The following DNAH9 variants were observed in gnomAD, a reference collection of about 807,000 sequenced individuals.
DNAH9 encodes dynein axonemal heavy chain 9.
Under a neutral mutation model 471.6 loss-of-function variants are expected in DNAH9, and 345 were observed. That is an observed-to-expected ratio of 0.73 (90% CI 0.67 to 0.80). DNAH9 has a LOEUF of 0.80. DNAH9 is among the 30% of genes least tolerant of loss of function. The pLI is 0.00. For missense variants in DNAH9, 5,407 were observed against 5,609.2 expected, an observed-to-expected ratio of 0.96 and a Z score of 1.15; for synonymous variants, 2,093 against 2,123.6, an observed-to-expected ratio of 0.99 and a Z score of 0.40.
At chr17:11,914,818 G>C (rs118158808) in intron 61 of DNAH9, among the ~76,000 whole-genome samples, 3,466 of 152,134 alleles carry the variant, frequency 0.023, 60 homozygotes, top group Admixed American at 0.036. Flanking sequence ...CCTAGTTGTG[G>C]GTCCTTTTCA....
chr17:11,631,607 C>T (rs1419022957), intron 7 of DNAH9, among the ~76,000 whole-genome samples: 1 of 150,146 alleles, frequency 6.7e-6, no homozygotes, highest in African/African-American at 2.5e-5. Flanking sequence ...TGCCACTGCA[C>T]TCCAGCCTGG....
At position 11,937,065 on chromosome 17, in the gene DNAH9, T is replaced by C. The variant is rs1974735401; in HGVS notation, c.12490-287T>C. Among the ~76,000 whole-genome samples the C allele has an allele frequency of 6.6e-6, 1 of 151,704 alleles. No individual in the cohort carries two copies. The stretch of plus-strand genomic sequence containing the variant: ...AGGAAAAAGAGTCATCAGGGAGGAG[T>C]GGGAGGCATTGGGTGTGGAGATAGA... On this transcript the variant is annotated intron_variant, in intron 65 of 68. Coordinates refer to ENST00000262442, the MANE Select transcript of DNAH9 (RefSeq NM_001372.4). This position sits in a 1 kb window ranked among gnomAD's most constrained non-coding sequence, Gnocchi z 4.1.
intron 67 of DNAH9, among the ~76,000 whole-genome samples, chr17:11,947,250 T>C (rs1975161474): frequency 6.6e-6 from 1 of 152,274 alleles, no homozygotes; most frequent in Non-Finnish European, 1.5e-5. Context: ...CTAACCAAAC[T>C]CACAAAAGCC....
intron 67 of DNAH9, among the ~76,000 whole-genome samples, chr17:11,945,912 A>C (rs1975101109): frequency 6.6e-6 from 1 of 151,534 alleles, no homozygotes; most frequent in Admixed American, 6.6e-5. Context: ...CAAAAAAAAA[A>C]ATTAGCCGGG....
intron 15 of DNAH9, among the ~76,000 whole-genome samples, chr17:11,668,799 G>A (rs2073925692): frequency 6.6e-6 from 1 of 152,042 alleles, no homozygotes; most frequent in African/African-American, 2.4e-5. Flanking sequence ...ATGAAGACAA[G>A]GAAAGTAAAT....
chr17:11,799,566 G>A (rs1969378222), intron 43 of DNAH9, among the ~76,000 whole-genome samples: 2 of 151,410 alleles, frequency 1.3e-5, no homozygotes, highest in African/African-American at 4.9e-5. Context: ...AATCTCACTC[G>A]GGCTAGACCG....
intron 57 of DNAH9, among the ~76,000 whole-genome samples, chr17:11,891,557 G>C (rs541789204): frequency 6.6e-6 from 1 of 152,090 alleles, no homozygotes; most frequent in Non-Finnish European, 1.5e-5. Flanking sequence ...TAGAAACAGC[G>C]TTTCACCATG....
At chr17:11,675,888 CTT>C (rs112213682) in intron 17 of DNAH9, among the ~76,000 whole-genome samples, 1 of 148,528 alleles carries the variant, frequency 6.7e-6, no homozygotes, top group Non-Finnish European at 1.5e-5. Flanking sequence ...CTTCAATTTT[CTT>C]TTTTTTTTCC....
At chr17:11,738,835 TA>T in intron 28 of DNAH9, 44 bp from the exon 29 acceptor site, 2 of 1,590,914 alleles carry the variant, frequency 1.3e-6, no homozygotes, top group South Asian at 1.1e-5. Flanking sequence ...ATCCCTCCAC[TA>T]AAAGGCAATT....
intron 10 of DNAH9, 22 bp from the exon 11 acceptor site, chr17:11,644,609 T>C (rs1285855216): frequency 1.3e-6 from 2 of 1,574,860 alleles, no homozygotes; most frequent in Non-Finnish European, 1.7e-6. Context: ...TCTGTGTCAC[T>C]TTTTCTCTTT....
At position 11,690,422 on chromosome 17, in the gene DNAH9, G is replaced by A. The variant is rs769156025; in HGVS notation, c.4600G>A (p.Ala1534Thr). Residue 1534 changes from alanine (A) to threonine (T), a missense_variant, in exon 20 of 69, where the codon GCA becomes ACA. Physicochemically the swap from Ala to Thr is moderately conservative, Grantham distance 58. Coordinates refer to ENST00000262442, the MANE Select transcript of DNAH9 (RefSeq NM_001372.4). ...ATTCACTGGATCTGAAGATATTCGG[G>A]CACAGCTACCCCAGGTACCTGCTAA... ...SIFTGSEDIR[A>T]QLPQDSKRFE... is the part of the protein sequence containing the mutation. 5.6e-6 allele frequency: 9 copies of A among 1,613,452 alleles called. No individual in the cohort carries two copies. The East Asian group carries it at 1.6e-4, about 28-fold the overall frequency.
At chr17:11,619,423 T>G in intron 5 of DNAH9, 125 bp from the exon 6 acceptor site, 1 of 684,188 alleles carries the variant, frequency 1.5e-6, no homozygotes, top group Non-Finnish European at 2.6e-6. Flanking sequence ...GAAAGCGAGG[T>G]CAGATGTTTC....
chr17:11,933,626 C>T (rs1190788846), intron 64 of DNAH9, among the ~76,000 whole-genome samples: 5 of 152,058 alleles, frequency 3.3e-5, no homozygotes, highest in Non-Finnish European at 4.4e-5. Flanking sequence ...GTGATCCACC[C>T]GCCTCGGCCT....
In DNAH9 at chr17:11,908,267, G is replaced by A. The variant is rs1339523925; in HGVS notation, c.11749+2458G>A. On this transcript the variant is annotated intron_variant, in intron 61 of 68. Transcript: ENST00000262442. ...CAATTCAAACCTGTGTTGTTCAAGGGTCGACTGTACTCTCTTTTTCTATAT... is the reference window on the plus strand; with the variant it reads ...CAATTCAAACCTGTGTTGTTCAAGGATCGACTGTACTCTCTTTTTCTATAT... Among the ~76,000 whole-genome samples, 4 of 152,280 alleles carry A rather than the reference G, an allele frequency of 2.6e-5. No individual in the cohort carries two copies. The East Asian group carries it at 7.7e-4, about 29-fold the overall frequency.
At chr17:11,750,683 C>G (rs577422300) in intron 32 of DNAH9, among the ~76,000 whole-genome samples, 1 of 152,138 alleles carries the variant, frequency 6.6e-6, no homozygotes, top group African/African-American at 2.4e-5. Flanking sequence ...ATTCCTGTAT[C>G]AAAAAGGAAA....
chr17:11,811,932 G>A (rs1222137357), intron 45 of DNAH9, among the ~76,000 whole-genome samples: 16 of 132,422 alleles, frequency 1.2e-4, no homozygotes, highest in Non-Finnish European at 2.3e-4. Flanking sequence ...ACAGGTTGCA[G>A]TGAGCTGAGA....
In DNAH9 at chr17:11,769,240, T is replaced by G; in HGVS notation, c.7463T>G (p.Val2488Gly). The change falls in exon 38 of 69, where the codon GTG becomes GGG. Residue 2488 changes from valine to glycine, a missense_variant. Val to Gly is a moderately radical substitution (Grantham distance 109). Coordinates refer to ENST00000262442, the MANE Select transcript of DNAH9 (RefSeq NM_001372.4). ...GCTGGCACTGGCAAGTCGGTGCTGG[T>G]GGGAGCTAAGCTGGCCAGCCTTGAC... The part of the protein sequence containing the change: ...GTAGTGKSVL[V>G]GAKLASLDPE... 1 of 1,614,098 alleles carries G rather than the reference T, an allele frequency of 6.2e-7. No homozygotes were observed. Among genetic ancestry groups the G allele is most frequent in the Non-Finnish European group, 8.5e-7 (1 of 1,180,012 alleles).
At chr17:11,894,783 AG>A (rs1973172526) in intron 59 of DNAH9, among the ~76,000 whole-genome samples, 1 of 152,122 alleles carries the variant, frequency 6.6e-6, no homozygotes, top group South Asian at 2.1e-4. Flanking sequence ...TTCACCTACC[AG>A]GGCTTAAGGC....
Position 11,880,062 on chromosome 17 carries a change from ATACTTGT to A in DNAH9, c.10479-14_10479-8del. On this transcript the variant is annotated splice_polypyrimidine_tract_variant and intron_variant, in intron 53 of 68. Transcript: ENST00000262442. ...GCCACAGTCTCATACTCCCGGACTC[ATACTTGT>A]TTCCCTAGCTACCTTCAAATCATAG... is the stretch of plus-strand genomic sequence containing the variant. 1 of 1,613,614 alleles carries A rather than the reference ATACTTGT, an allele frequency of 6.2e-7. No individual in the cohort carries two copies.
Sources: gnomAD v4.1 joint callset for allele counts (sites outside exome capture counted in the v4.1 genomes callset) on GRCh38, gnomAD v4.1.1 for gene constraint, Gnocchi (gnomAD v3.1) non-coding constraint, MANE v1.5 for transcripts, NCBI Gene and HGNC (gene_info 2026-07-23, HGNC 2026-07-21) for gene names.